SGCD: variants seen among roughly 807,000 people sequenced by gnomAD.
SGCD encodes delta-sarcoglycan.
In SGCD, 18 loss-of-function variants were observed where a neutral mutation model predicts 36.6. That is an observed-to-expected ratio of 0.49 (90% CI 0.34 to 0.73). The LOEUF is 0.73. Among genes scored for constraint, SGCD ranks in the 30% least tolerant of loss-of-function variants. SGCD has a pLI of 0.01. For missense variants in SGCD, 387 were observed against 346.7 expected, an observed-to-expected ratio of 1.12 and a Z score of -0.92; for synonymous variants, 133 against 130.6, an observed-to-expected ratio of 1.02 and a Z score of -0.12.
chr5:156,223,556 G>C (rs1369637204), intron 3 of SGCD, among the ~76,000 whole-genome samples: 1 of 152,092 alleles, frequency 6.6e-6, no homozygotes, highest in Non-Finnish European at 1.5e-5. Flanking sequence ...CTTCGGGTGT[G>C]TTGATTTCTT....
At position 156,061,593 on chromosome 5, in the gene SGCD, T is replaced by A. The variant is rs1156265444; in HGVS notation, c.-281-56285T>A. 2.7e-5 allele frequency among the ~76,000 whole-genome samples: 4 copies of A among 146,452 alleles called. 1 individual carries two copies. The highest frequency in any genetic ancestry group is 3.9e-4 in the East Asian group (2 of 5,178). ...GGACCCCTCAATGGAAATAAAGCTC[T>A]TTTCAGGGGAAGTGTTAAATGTAGG... On this transcript the variant is annotated intron_variant, in intron 1 of 9. Transcript: ENST00000517913.
chr5:156,525,301 A>T (rs1360491963), intron 4 of SGCD, among the ~76,000 whole-genome samples: 2 of 152,044 alleles, frequency 1.3e-5, no homozygotes, highest in East Asian at 3.9e-4. Flanking sequence ...TGTGGTTTTG[A>T]TTTGCATTTC....
intron 3 of SGCD, among the ~76,000 whole-genome samples, chr5:156,502,084 T>C (rs1756481807): frequency 6.6e-6 from 1 of 151,748 alleles, no homozygotes; most frequent in Non-Finnish European, 1.5e-5. Flanking sequence ...TCTTGCTCTG[T>C]TGCCCAGGCT....
chr5:156,554,342 G>A (rs1002685526), intron 4 of SGCD, among the ~76,000 whole-genome samples: 19 of 148,430 alleles, frequency 1.3e-4, no homozygotes, highest in African/African-American at 4.0e-4. Context: ...GCAACAGAGC[G>A]AGAGTCTGTC....
chr5:155,856,223 C>T, the SGCD span, among the ~76,000 whole-genome samples: 4 of 152,056 alleles, frequency 2.6e-5, no homozygotes, highest in African/African-American at 9.7e-5. Context: ...CTAAAGCAAC[C>T]ACTAAAATAA....
chr5:156,495,761 T>C (rs1307453254), intron 3 of SGCD, among the ~76,000 whole-genome samples: 1 of 152,178 alleles, frequency 6.6e-6, no homozygotes, highest in Non-Finnish European at 1.5e-5. Flanking sequence ...TCTCCTCCTT[T>C]ATCAACAATA....
intron 3 of SGCD, among the ~76,000 whole-genome samples, chr5:156,423,320 A>ATATAATATATTGTATTATTATAT (rs1554102070): frequency 2.5e-4 from 2 of 8,054 alleles, no homozygotes; most frequent in Non-Finnish European, 6.2e-4. Flanking sequence ...TTATAATATA[A>ATATAATATATTGTATTATTATAT]TATATTTTAT....
chr5:156,204,216 A>T (rs1764214947), intron 3 of SGCD, among the ~76,000 whole-genome samples: 1 of 152,070 alleles, frequency 6.6e-6, no homozygotes, highest in Non-Finnish European at 1.5e-5. Flanking sequence ...AACAAGCTTA[A>T]GAGTGAGGAA....
intron 1 of SGCD, among the ~76,000 whole-genome samples, chr5:155,895,093 GC>G (rs1756218165): frequency 6.6e-6 from 1 of 152,174 alleles, no homozygotes; most frequent in Non-Finnish European, 1.5e-5. Flanking sequence ...TCTGATCACT[GC>G]CACTGGAGGG....
In SGCD at chr5:156,105,147, AAAAAT is replaced by A. The variant is rs574197732; in HGVS notation, c.-281-12721_-281-12717del. On this transcript the variant is annotated intron_variant, in intron 1 of 9. Transcript: ENST00000517913. ...GTACCCTAGAACTTAAAGTATAATA[AAAAAT>A]AAAATAAAACAAATGTTAGTTGCCT... 1.9e-3 allele frequency among the ~76,000 whole-genome samples: 288 copies of A among 152,348 alleles called. 2 individuals are homozygous for A. Among genetic ancestry groups the A allele is most frequent in the African/African-American group, 6.6e-3 (273 of 41,574 alleles).
At chr5:156,448,055 C>T (rs1053368343) in intron 3 of SGCD, among the ~76,000 whole-genome samples, 1 of 152,156 alleles carries the variant, frequency 6.6e-6, no homozygotes, top group South Asian at 2.1e-4. Context: ...AATTCTAGAT[C>T]TGTACTTTTG....
intron 3 of SGCD, among the ~76,000 whole-genome samples, chr5:156,303,267 C>A (rs78462075): frequency 0.012 from 1,792 of 152,218 alleles, 48 homozygotes; most frequent in African/African-American, 0.04. Flanking sequence ...CTGTCCCAGG[C>A]CCCTAGTGAA....
At chr5:156,513,152 A>G (rs1180027273) in intron 4 of SGCD, among the ~76,000 whole-genome samples, 1 of 152,232 alleles carries the variant, frequency 6.6e-6, no homozygotes, top group African/African-American at 2.4e-5. Context: ...AGGTGAAAGA[A>G]AAAGATTTCT....
Position 155,938,111 on chromosome 5 carries a change from G to C in SGCD, c.-282+67687G>C, listed in dbSNP as rs730026. On this transcript the variant is annotated intron_variant, in intron 1 of 9. Transcript: ENST00000517913. ...ACATACAGACACTCAAAAAGCTGTT[G>C]TTTGTTGCCTTGTTGGCCCAGGGGG... 3.0e-3 allele frequency among the ~76,000 whole-genome samples: 457 copies of C among 152,304 alleles called. 1 individual carries two copies. The highest frequency in any genetic ancestry group is 0.011 in the African/African-American group (441 of 41,560).
chr5:155,749,736 T>G, the SGCD span, among the ~76,000 whole-genome samples: 43 of 152,362 alleles, frequency 2.8e-4, no homozygotes, highest in African/African-American at 1.0e-3. Flanking sequence ...AGTAAGTTCT[T>G]TGTCATGGGT....
At chr5:156,122,809 A>C (rs555543644) in intron 2 of SGCD, among the ~76,000 whole-genome samples, 51 of 123,772 alleles carry the variant, frequency 4.1e-4, no homozygotes, top group African/African-American at 1.4e-3. Flanking sequence ...ATCTTTAATG[A>C]TGTCTTGCAC....
At chr5:156,118,707 C>G (rs1220808575) in intron 2 of SGCD, among the ~76,000 whole-genome samples, 2 of 152,090 alleles carry the variant, frequency 1.3e-5, no homozygotes, top group Admixed American at 6.6e-5. Flanking sequence ...TTTGATTTCA[C>G]CATTCAATTT....
chr5:155,727,979 G>T, the SGCD span, among the ~76,000 whole-genome samples: 3 of 152,152 alleles, frequency 2.0e-5, no homozygotes, highest in Non-Finnish European at 2.9e-5. Context: ...CGCCGCGGCC[G>T]ACTGATCTTG....
chr5:156,075,085 G>A (rs1182170909), intron 1 of SGCD, among the ~76,000 whole-genome samples: 2 of 152,108 alleles, frequency 1.3e-5, no homozygotes, highest in Non-Finnish European at 2.9e-5. Context: ...TGTACGAAAA[G>A]GACATCTCTT....
Sources: allele counts gnomAD v4.1 joint callset (sites outside exome capture counted in the v4.1 genomes callset), GRCh38; gene constraint gnomAD v4.1.1; transcripts MANE v1.5; gene names NCBI Gene and HGNC (gene_info 2026-07-23, HGNC 2026-07-21).